L2HGDH: variants seen among roughly 807,000 people sequenced by gnomAD.
L2HGDH encodes L-2-hydroxyglutarate dehydrogenase, mitochondrial.
A neutral mutation model predicts 51.5 loss-of-function variants in L2HGDH; 34 were observed. The ratio of observed to expected loss-of-function variants is 0.66; its 90% CI spans 0.50 to 0.88. L2HGDH has a LOEUF of 0.88. Among genes scored for constraint, L2HGDH ranks in the 40% least tolerant of loss-of-function variants. The pLI, the probability that L2HGDH is intolerant of heterozygous loss-of-function variation, is 0.00. For missense variants in L2HGDH, 558 were observed against 571.9 expected (o/e 0.98, Z 0.25); for synonymous variants, 198 against 197.9 (o/e 1.00, Z -0.01).
chr14:50,258,155 T>A (rs1472674726), intron 9 of L2HGDH, among the ~76,000 whole-genome samples: 1 of 151,830 alleles, frequency 6.6e-6, no homozygotes, highest in Non-Finnish European at 1.5e-5. Context: ...GCAACAATTA[T>A]ACACACACAG....
At chr14:50,294,026 T>C (rs1028408119) in intron 4 of L2HGDH, 89 bp downstream of exon 4, 6 of 1,441,496 alleles carry the variant, frequency 4.2e-6, no homozygotes, top group Non-Finnish European at 5.8e-6. Flanking sequence ...ACTGATTTTA[T>C]ATTATTCCTG....
intron 9 of L2HGDH, among the ~76,000 whole-genome samples, chr14:50,264,642 C>T (rs1296347389): frequency 6.6e-6 from 1 of 152,134 alleles, no homozygotes; most frequent in African/African-American, 2.4e-5. Flanking sequence ...AAACCAAATA[C>T]CACATGTTCT....
intron 9 of L2HGDH, among the ~76,000 whole-genome samples, chr14:50,257,705 C>A (rs116504968): frequency 6.6e-6 from 1 of 151,470 alleles, no homozygotes; most frequent in Non-Finnish European, 1.5e-5. Context: ...ATTTTTATTT[C>A]CAGAAATTCT....
At chr14:50,301,502 T>C (rs2030403985) in intron 3 of L2HGDH, among the ~76,000 whole-genome samples, 1 of 152,236 alleles carries the variant, frequency 6.6e-6, no homozygotes, top group Non-Finnish European at 1.5e-5. Context: ...AGACATGAAG[T>C]ACTGATTCAT....
intron 9 of L2HGDH, among the ~76,000 whole-genome samples, chr14:50,251,573 A>G (rs1888351427): frequency 6.6e-6 from 1 of 152,128 alleles, no homozygotes; most frequent in Non-Finnish European, 1.5e-5. Flanking sequence ...AAGCCATTTA[A>G]TAATCAAACT....
intron 6 of L2HGDH, among the ~76,000 whole-genome samples, chr14:50,272,917 C>G (rs1889781818): frequency 6.6e-6 from 1 of 152,062 alleles, no homozygotes. Flanking sequence ...TGGTTCTGCA[C>G]AATATTCTGG....
At chr14:50,268,052 T>C (rs1889447158) in intron 7 of L2HGDH, 142 bp from the exon 8 acceptor site, 10 of 855,714 alleles carry the variant, frequency 1.2e-5, no homozygotes, top group Non-Finnish European at 1.9e-5. Context: ...TACTTTTCCA[T>C]TAACATGCTT....
In L2HGDH at chr14:50,269,457, T is replaced by C. The variant is rs1196916080; in HGVS notation, c.739-127A>G. 3.3e-5 allele frequency: 28 copies of C among 856,928 alleles called. No individual in the cohort carries two copies. In the Admixed American group the frequency reaches 6.0e-4, roughly 18 times the overall value. The allele number at this position is 856,928 out of a possible 1,614,324, so 53.1% of individuals were successfully genotyped here. A position where few individuals can be genotyped will look rare whatever the true frequency, so the allele number is the denominator to read the frequency against. On this transcript the variant is annotated intron_variant, in intron 6 of 9. Coordinates refer to ENST00000267436, the MANE Select transcript of L2HGDH (RefSeq NM_024884.3). Reference sequence around the variant, plus strand: ...ATTTTTTCTAAAAGAGGATATTCAATACAGGTATCAGCAAAATATGTTCTT... The same window carrying C: ...ATTTTTTCTAAAAGAGGATATTCAACACAGGTATCAGCAAAATATGTTCTT...
At chr14:50,308,563 T>C (rs553893827) in intron 1 of L2HGDH, among the ~76,000 whole-genome samples, 6 of 152,210 alleles carry the variant, frequency 3.9e-5, no homozygotes, top group African/African-American at 7.2e-5. Flanking sequence ...GAGATATCAC[T>C]ACGTCTCTAT....
In L2HGDH at chr14:50,267,740, T is replaced by C; in HGVS notation, c.1064+13A>G. On this transcript the variant is annotated intron_variant, in intron 8 of 9. Transcript: ENST00000267436. ...AAGCACATAAAATCATTTTTAAAAATAAATAATGTTACCTATTGATAATTA... is the reference window on the plus strand; with the variant it reads ...AAGCACATAAAATCATTTTTAAAAACAAATAATGTTACCTATTGATAATTA... The C allele has an allele frequency of 6.3e-7, 1 of 1,586,820 alleles. No homozygotes were observed. Among genetic ancestry groups the C allele is most frequent in the Non-Finnish European group, 8.6e-7 (1 of 1,156,570 alleles).
intron 4 of L2HGDH, among the ~76,000 whole-genome samples, chr14:50,291,355 CAA>C (rs1207747260): frequency 1.3e-5 from 2 of 151,602 alleles, no homozygotes; most frequent in African/African-American, 4.9e-5. Context: ...AGCAGGTGGC[CAA>C]AATAAGATGG....
At chr14:50,270,895 T>C (rs533904394) in intron 6 of L2HGDH, among the ~76,000 whole-genome samples, 51 of 152,300 alleles carry the variant, frequency 3.3e-4, no homozygotes, top group African/African-American at 1.2e-3. Context: ...TTAAGCCTCT[T>C]TTCAGGAGTT....
chr14:50,244,584 T>C lies in L2HGDH; in HGVS notation c.*2474A>G, dbSNP rs1887921329. 1.0e-6 allele frequency: 1 copy of C among 985,356 alleles called. No individual in the cohort carries two copies. The highest frequency in any genetic ancestry group is 4.7e-5 in the South Asian group (1 of 21,296). The allele number at this position is 985,356 out of a possible 1,614,324, so 61.0% of individuals were successfully genotyped here. A position where few individuals can be genotyped will look rare whatever the true frequency, so the allele number is the denominator to read the frequency against. On this transcript the variant is annotated 3_prime_UTR_variant, in exon 10 of 10. Transcript: ENST00000267436. Reference sequence around the variant, plus strand: ...ATAAAGAAACATTAGGGCTTGTTTCTTCTGTCATTGATATCTGAATGCTTT... The same window carrying C: ...ATAAAGAAACATTAGGGCTTGTTTCCTCTGTCATTGATATCTGAATGCTTT...
chr14:50,269,152 T>A lies in L2HGDH; in HGVS notation c.906+11A>T. On this transcript the variant is annotated intron_variant, in intron 7 of 9. Coordinates refer to ENST00000267436, the MANE Select transcript of L2HGDH (RefSeq NM_024884.3). Reference sequence around the variant, plus strand: ...TGAAAAAAATGAGAAGTAGGAAGCATCATTACCTACCGGATAAATATTTCC... The same window carrying A: ...TGAAAAAAATGAGAAGTAGGAAGCAACATTACCTACCGGATAAATATTTCC... The A allele has an allele frequency of 6.4e-7, 1 of 1,569,328 alleles. No individual in the cohort carries two copies. Among genetic ancestry groups the A allele is most frequent in the Non-Finnish European group, 8.7e-7 (1 of 1,147,558 alleles).
rs750344545 is a variant in L2HGDH, at chr14:50,243,666, TATATA to T, written c.*3387_*3391del. On this transcript the variant is annotated 3_prime_UTR_variant, in exon 10 of 10. Transcript: ENST00000267436. Reference sequence around the variant, plus strand: ...CATTTTTATTTTTCAGGGTATTTTATATATATATATATATATATATTGTTTATTAT... The same window carrying T: ...CATTTTTATTTTTCAGGGTATTTTATTATATATATATATATTGTTTATTAT... The T allele has an allele frequency of 0.4, 56,030 of 138,790 alleles. 7,069 individuals are homozygous for T. The highest frequency in any genetic ancestry group is 0.45 in the African/African-American group (15,501 of 34,580). The allele number at this position is 138,790 out of a possible 1,614,324, so 8.6% of individuals were successfully genotyped here. A position where few individuals can be genotyped will look rare whatever the true frequency, so the allele number is the denominator to read the frequency against.
chr14:50,297,983 T>C (rs2030172336), intron 3 of L2HGDH, among the ~76,000 whole-genome samples: 1 of 151,736 alleles, frequency 6.6e-6, no homozygotes, highest in Non-Finnish European at 1.5e-5. Context: ...CTGGGCATGG[T>C]GGCTCATGCC....
intron 5 of L2HGDH, chr14:50,282,372 C>A (rs935121107): frequency 2.2e-6 from 1 of 446,334 alleles, no homozygotes; most frequent in African/African-American, 2.0e-5. Context: ...CTTCCACCTT[C>A]CTGTTGTGCT....
chr14:50,286,694 T>C (rs1375923653), intron 4 of L2HGDH, among the ~76,000 whole-genome samples: 5 of 152,366 alleles, frequency 3.3e-5, no homozygotes, highest in African/African-American at 1.2e-4. Flanking sequence ...CAACTTGGAA[T>C]CATATAAAGT....
intron 9 of L2HGDH, among the ~76,000 whole-genome samples, chr14:50,262,495 A>G (rs1243544878): frequency 6.6e-6 from 1 of 151,922 alleles, no homozygotes; most frequent in Non-Finnish European, 1.5e-5. Context: ...ATCACAAGGA[A>G]GAGAGACTAA....
Sources: gnomAD v4.1 joint callset for allele counts (sites outside exome capture counted in the v4.1 genomes callset) on GRCh38, gnomAD v4.1.1 for gene constraint, MANE v1.5 for transcripts, NCBI Gene and HGNC (gene_info 2026-07-23, HGNC 2026-07-21) for gene names.